Variants in PRKCE observed in about 807,000 individuals in gnomAD.
The protein encoded by PRKCE is protein kinase C epsilon type.
A neutral mutation model predicts 85.4 loss-of-function variants in PRKCE; 16 were observed. That is an observed-to-expected ratio of 0.19 (90% CI 0.13 to 0.28). The LOEUF is 0.28. Among genes scored for constraint, PRKCE ranks in the 10% least tolerant of loss-of-function variants. The pLI, the probability that PRKCE is intolerant of heterozygous loss-of-function variation, is 1.00. For missense variants in PRKCE, 573 were observed against 975.2 expected (o/e 0.59, Z 5.49); for synonymous variants, 388 against 371.5 (o/e 1.04, Z -0.51).
intron 10 of PRKCE, among the ~76,000 whole-genome samples, chr2:46,052,694 G>A (rs1018629415): frequency 1.3e-5 from 2 of 152,196 alleles, no homozygotes; most frequent in Admixed American, 6.5e-5. Flanking sequence ...GCTCAGAAGA[G>A]CCAATGCAAC....
chr2:46,118,056 AGG>A (rs889192870), intron 11 of PRKCE, among the ~76,000 whole-genome samples: 1 of 152,178 alleles, frequency 6.6e-6, no homozygotes, highest in Non-Finnish European at 1.5e-5. Flanking sequence ...ACATAAAACA[AGG>A]GGATTAATGT....
chr2:45,733,293 G>GTTCA (rs1681748152), intron 1 of PRKCE, among the ~76,000 whole-genome samples: 1 of 152,280 alleles, frequency 6.6e-6, no homozygotes, highest in East Asian at 1.9e-4. Flanking sequence ...ATTAGCTCTT[G>GTTCA]TTCATTCATT....
At chr2:46,049,674 G>A (rs989171298) in intron 10 of PRKCE, among the ~76,000 whole-genome samples, 1 of 152,172 alleles carries the variant, frequency 6.6e-6, no homozygotes, top group Non-Finnish European at 1.5e-5. Flanking sequence ...AAGGTCACCA[G>A]AGGGGCTTCC....
At chr2:45,956,650 A>C (rs1303054100) in intron 2 of PRKCE, among the ~76,000 whole-genome samples, 1 of 152,094 alleles carries the variant, frequency 6.6e-6, no homozygotes, top group Non-Finnish European at 1.5e-5. Context: ...GCACCACTAC[A>C]CTCCAGCCTG....
At chr2:46,007,411 C>G (rs1166543390) in intron 8 of PRKCE, 51 bp from the exon 9 acceptor site, 1 of 1,569,758 alleles carries the variant, frequency 6.4e-7, no homozygotes, top group Non-Finnish European at 8.7e-7. Flanking sequence ...CCTAATGTAA[C>G]AGGCTTAAGA....
rs2104523907 is a variant in PRKCE at position 46,151,097 on chromosome 2, G to A, written c.1788G>A (p.Leu596=). The A allele has an allele frequency of 6.3e-7, 1 of 1,599,546 alleles. No homozygotes were observed. The highest frequency in any genetic ancestry group is 8.5e-7 in the Non-Finnish European group (1 of 1,179,906). Residue 596 remains leucine, a synonymous_variant, in exon 13 of 15, where the codon CTG becomes CTA. Coordinates refer to ENST00000306156, the MANE Select transcript of PRKCE (RefSeq NM_005400.3). ...TGGACTGGTGGGCCCTGGGGGTGCT[G>A]ATGTACGAGATGATGGCTGGACAGC... is the stretch of plus-strand genomic sequence containing the variant. ...PSVDWWALGV[L]MYEMMAGQPP...
intron 1 of PRKCE, among the ~76,000 whole-genome samples, chr2:45,683,779 G>A (rs569264392): frequency 6.6e-6 from 1 of 152,140 alleles, no homozygotes; most frequent in Admixed American, 6.5e-5. Flanking sequence ...TGTGTGCTCC[G>A]TCCTCCCAGC....
Position 45,832,156 on chromosome 2 carries a change from A to G in PRKCE, c.349-10844A>G, listed in dbSNP as rs151297750. Among the ~76,000 whole-genome samples, 448 of 152,268 alleles carry G rather than the reference A, an allele frequency of 2.9e-3. 6 individuals carry two copies. Among genetic ancestry groups the G allele is most frequent in the African/African-American group, 0.01 (423 of 41,538 alleles). On this transcript the variant is annotated intron_variant, in intron 1 of 14. Transcript: ENST00000306156. ...GATGCAGGAATATTCCCCGGAGAGC[A>G]ATTATTCCCCAAAGTTGGGCATCCT...
intron 1 of PRKCE, among the ~76,000 whole-genome samples, chr2:45,785,806 C>T (rs1310863321): frequency 1.3e-5 from 2 of 152,108 alleles, no homozygotes; most frequent in African/African-American, 2.4e-5. Flanking sequence ...CAACCCAGGC[C>T]GAGGAAGCAC....
At chr2:45,985,973 G>A (rs1193784716) in intron 6 of PRKCE, among the ~76,000 whole-genome samples, 2 of 152,208 alleles carry the variant, frequency 1.3e-5, no homozygotes, top group Non-Finnish European at 2.9e-5. Flanking sequence ...CATTCTCCAG[G>A]GTAAGTACAT....
intron 1 of PRKCE, among the ~76,000 whole-genome samples, chr2:45,807,353 T>A (rs769835408): frequency 2.1e-5 from 3 of 139,788 alleles, no homozygotes; most frequent in Non-Finnish European, 4.4e-5. Context: ...AACTGGACAG[T>A]GTCTTCTGGT....
At chr2:46,037,187 C>T (rs932414241) in intron 10 of PRKCE, among the ~76,000 whole-genome samples, 1 of 152,222 alleles carries the variant, frequency 6.6e-6, no homozygotes, top group African/African-American at 2.4e-5. Context: ...CTGCGGTCTG[C>T]AGGAATTCTC....
chr2:45,667,925 G>A (rs944699986), intron 1 of PRKCE, among the ~76,000 whole-genome samples: 2 of 152,154 alleles, frequency 1.3e-5, no homozygotes, highest in African/African-American at 2.4e-5. Flanking sequence ...TGAACCAGTC[G>A]TGTGACCTTT....
intron 11 of PRKCE, among the ~76,000 whole-genome samples, chr2:46,092,863 G>C (rs3768758): frequency 0.16 from 24,336 of 152,208 alleles, 2,455 homozygotes; most frequent in East Asian, 0.51. Context: ...TTAGGGATTT[G>C]CTGACATGAA....
intron 10 of PRKCE, chr2:46,010,860 C>G (rs908576118): frequency 6.6e-7 from 1 of 1,518,882 alleles, no homozygotes; most frequent in Non-Finnish European, 8.8e-7. Flanking sequence ...AATCAAATCA[C>G]TTAACTTCTA....
intron 1 of PRKCE, among the ~76,000 whole-genome samples, chr2:45,769,966 C>T (rs768351583): frequency 3.6e-4 from 55 of 152,256 alleles, no homozygotes; most frequent in Non-Finnish European, 6.6e-4. Flanking sequence ...GGCACACGTG[C>T]ACCCCGTACT....
At chr2:46,076,317 T>C (rs1249799353) in intron 10 of PRKCE, among the ~76,000 whole-genome samples, 2 of 152,206 alleles carry the variant, frequency 1.3e-5, no homozygotes, top group African/African-American at 4.8e-5. Context: ...AAACTTCTTT[T>C]TCCTAAGATG....
intron 13 of PRKCE, among the ~76,000 whole-genome samples, chr2:46,154,473 C>A (rs1210252869): frequency 1.4e-5 from 2 of 140,688 alleles, no homozygotes; most frequent in African/African-American, 5.3e-5. Context: ...CCCAACCCCC[C>A]CGCCCGCCGC....
chr2:46,014,647 G>C (rs933215710), intron 10 of PRKCE, among the ~76,000 whole-genome samples: 2 of 152,062 alleles, frequency 1.3e-5, no homozygotes, highest in Non-Finnish European at 2.9e-5. Flanking sequence ...AGTCTTTATT[G>C]TTAAGCATCT....
Sources: allele counts gnomAD v4.1 joint callset (sites outside exome capture counted in the v4.1 genomes callset), GRCh38; gene constraint gnomAD v4.1.1; transcripts MANE v1.5; gene names NCBI Gene and HGNC (gene_info 2026-07-23, HGNC 2026-07-21).